CPED1: variants seen among roughly 807,000 people sequenced by gnomAD.
CPED1 encodes the protein cadherin-like and PC-esterase domain-containing protein 1.
Under a neutral mutation model 128.2 loss-of-function variants are expected in CPED1, and 114 were observed. The observed-to-expected ratio is 0.89, with a 90% CI of 0.76 to 1.04. CPED1 has a LOEUF of 1.04. Among genes scored for constraint, CPED1 ranks in the 50% least tolerant of loss-of-function variants. CPED1 has a pLI of 0.00. For synonymous variants in CPED1, 462 were observed against 426.7 expected, an observed-to-expected ratio of 1.08 and a Z score of -1.02; for missense variants, 1,211 against 1,207.1, an observed-to-expected ratio of 1.00 and a Z score of -0.05.
At chr7:121,101,985 A>G (rs1225217020) in intron 7 of CPED1, among the ~76,000 whole-genome samples, 1 of 152,142 alleles carries the variant, frequency 6.6e-6, no homozygotes, top group Non-Finnish European at 1.5e-5. Flanking sequence ...TTCTTACGCT[A>G]TAGCTTTGTT....
intron 5 of CPED1, among the ~76,000 whole-genome samples, chr7:121,066,570 A>G (rs1793834570): frequency 6.6e-6 from 1 of 150,548 alleles, no homozygotes; most frequent in South Asian, 2.1e-4. Flanking sequence ...ATGATAAATT[A>G]TCACTAAGAT....
At chr7:121,064,795 G>A (rs910619098) in intron 5 of CPED1, among the ~76,000 whole-genome samples, 9 of 152,044 alleles carry the variant, frequency 5.9e-5, no homozygotes, top group Non-Finnish European at 1.0e-4. Context: ...TTAGGAATTT[G>A]GGACAAAAAT....
At position 121,050,847 on chromosome 7, in the gene CPED1, G is replaced by A. The variant is rs780455135; in HGVS notation, c.540+3854G>A. 3.6e-5 allele frequency: 17 copies of A among 467,876 alleles called. No homozygotes were observed. The East Asian group carries it at 3.9e-4, about 11-fold the overall frequency. 29.0% of individuals were successfully genotyped at this position (467,876 alleles called of 1,614,324 possible). A position where few individuals can be genotyped will look rare whatever the true frequency, so the allele number is the denominator to read the frequency against. ...GGCAGCGGCCAGGCAGCCCAGCTTC[G>A]CGAAGGCTCTCGGTACGATGAGGCC... On this transcript the variant is annotated intron_variant, in intron 4 of 22. Transcript: ENST00000310396.
At chr7:121,209,902 AAAC>A (rs890206290) in intron 16 of CPED1, among the ~76,000 whole-genome samples, 3 of 152,018 alleles carry the variant, frequency 2.0e-5, no homozygotes, top group African/African-American at 7.2e-5. Flanking sequence ...TAAACAACCC[AAAC>A]AACAATAGAG....
intron 18 of CPED1, among the ~76,000 whole-genome samples, chr7:121,260,048 A>G (rs1791973631): frequency 6.6e-6 from 1 of 151,936 alleles, no homozygotes; most frequent in South Asian, 2.1e-4. Context: ...AGTCAGATAT[A>G]AGGAAAGAGT....
chr7:121,145,730 A>G (rs1796010165), intron 16 of CPED1, among the ~76,000 whole-genome samples: 1 of 118,476 alleles, frequency 8.4e-6, no homozygotes, highest in African/African-American at 3.2e-5. Flanking sequence ...TCAAATTAAT[A>G]GCTAAGCAGA....
At chr7:121,283,041 T>C (rs1792493421) in intron 22 of CPED1, among the ~76,000 whole-genome samples, 1 of 152,240 alleles carries the variant, frequency 6.6e-6, no homozygotes, top group African/African-American at 2.4e-5. Context: ...TCTTTTTCAC[T>C]ATAACAATTA....
chr7:121,142,734 G>A (rs771594634), intron 16 of CPED1, among the ~76,000 whole-genome samples: 3 of 151,802 alleles, frequency 2.0e-5, no homozygotes, highest in Non-Finnish European at 2.9e-5. Context: ...TTTGTTCTAC[G>A]GTTTTTCCCT....
intron 18 of CPED1, 104 bp downstream of exon 18, chr7:121,244,442 G>T: frequency 8.2e-7 from 1 of 1,221,396 alleles, no homozygotes; most frequent in Non-Finnish European, 1.2e-6. Context: ...TCTCACAGCA[G>T]AGGAAAACTA....
At chr7:121,129,313 GTATATA>G (rs71530055) in intron 11 of CPED1, among the ~76,000 whole-genome samples, 9 of 26,848 alleles carry the variant, frequency 3.4e-4, no homozygotes, top group African/African-American at 7.3e-4. Flanking sequence ...ATATATATAC[GTATATA>G]TATATATATA....
intron 18 of CPED1, among the ~76,000 whole-genome samples, chr7:121,253,617 T>G (rs1427564568): frequency 6.6e-6 from 1 of 152,070 alleles, no homozygotes; most frequent in African/African-American, 2.4e-5. Flanking sequence ...ATGACATATT[T>G]TAAATGCACA....
chr7:121,107,772 T>C (rs1205949727), intron 7 of CPED1, among the ~76,000 whole-genome samples: 1 of 152,142 alleles, frequency 6.6e-6, no homozygotes, highest in Non-Finnish European at 1.5e-5. Flanking sequence ...ACTTATTAAA[T>C]GTATATCATT....
At chr7:121,008,766 C>T (rs1341322378) in intron 2 of CPED1, among the ~76,000 whole-genome samples, 1 of 151,896 alleles carries the variant, frequency 6.6e-6, no homozygotes, top group Non-Finnish European at 1.5e-5. Flanking sequence ...AAAACACTAG[C>T]CCTCCTAGTG....
chr7:121,091,380 G>A (rs1229720757), intron 5 of CPED1, among the ~76,000 whole-genome samples: 4 of 152,110 alleles, frequency 2.6e-5, no homozygotes, highest in South Asian at 2.1e-4. Context: ...TTTTATTTTG[G>A]TCTTGTTTTT....
At chr7:121,084,912 C>G (rs546797835) in intron 5 of CPED1, among the ~76,000 whole-genome samples, 1 of 152,302 alleles carries the variant, frequency 6.6e-6, no homozygotes, top group African/African-American at 2.4e-5. Flanking sequence ...CAAAGAAATA[C>G]CAGATCTATC....
chr7:121,004,968 T>A (rs1443614000), intron 2 of CPED1, among the ~76,000 whole-genome samples: 2 of 152,230 alleles, frequency 1.3e-5, no homozygotes, highest in Non-Finnish European at 2.9e-5. Flanking sequence ...TATAATGATA[T>A]GTTTGCTCTA....
chr7:121,263,806 C>T (rs1792066362), intron 18 of CPED1, among the ~76,000 whole-genome samples: 1 of 152,006 alleles, frequency 6.6e-6, no homozygotes, highest in Non-Finnish European at 1.5e-5. Context: ...CTAGGAGGGA[C>T]TGCACCTTGA....
intron 5 of CPED1, among the ~76,000 whole-genome samples, chr7:121,087,664 C>CT (rs1794462225): frequency 1.9e-4 from 8 of 42,968 alleles, no homozygotes; most frequent in Admixed American, 1.4e-3. Context: ...TCTTTTCTTT[C>CT]CTGTTTTTTT....
chr7:121,156,521 C>A (rs1272510883), intron 16 of CPED1, among the ~76,000 whole-genome samples: 3 of 152,114 alleles, frequency 2.0e-5, no homozygotes. Context: ...AGAATGAAAT[C>A]ATGTAATTTA....
Sources: gnomAD v4.1 joint callset for allele counts (sites outside exome capture counted in the v4.1 genomes callset) on GRCh38, gnomAD v4.1.1 for gene constraint, MANE v1.5 for transcripts, NCBI Gene and HGNC (gene_info 2026-07-23, HGNC 2026-07-21) for gene names.